CHERP: variants seen among roughly 807,000 people sequenced by gnomAD.
The protein encoded by CHERP is calcium homeostasis endoplasmic reticulum protein.
CHERP carries 8 observed loss-of-function variants against 113.8 expected under a neutral mutation model. That is an observed-to-expected ratio of 0.07 (90% confidence interval 0.04 to 0.13). The LOEUF (loss-of-function observed/expected upper bound fraction) is 0.13, where lower values mean the gene tolerates loss of function less well. Ranked by LOEUF, CHERP falls within the 10% of genes least tolerant of loss-of-function variation. The pLI, the probability that CHERP is intolerant of heterozygous loss-of-function variation, is 1.00. For missense variants in CHERP, 884 were observed against 1,298.2 expected (o/e 0.68, Z 4.90); for synonymous variants, 559 against 524.5 (o/e 1.07, Z -0.90).
chr19:16,541,920 C>T lies in CHERP; in HGVS notation c.149G>A (p.Gly50Asp). 6.2e-7 allele frequency: 1 copy of T among 1,614,026 alleles called. No homozygotes were observed. Among genetic ancestry groups the T allele is most frequent in the South Asian group, 1.1e-5 (1 of 91,066 alleles). The change falls in exon 2 of 17, where the codon GGC becomes GAC. Residue 50 changes from glycine to aspartate, a missense_variant. This residue lies in a region of CHERP where 17 missense variants were observed against 50.8 expected (regional missense o/e 0.33). Coordinates refer to ENST00000546361, the MANE Select transcript of CHERP (RefSeq NM_006387.6). ...DNPKFSFLFG[G>D]EFYSYYKCKL... is the part of the protein sequence containing the mutation. Reference sequence around the variant, plus strand: ...GCACTTGTAGTAACTGTAGAATTCGCCTCCGAAAAGAAACGAGAATTTGGG... The same window carrying T: ...GCACTTGTAGTAACTGTAGAATTCGTCTCCGAAAAGAAACGAGAATTTGGG...
intron 2 of CHERP, among the ~76,000 whole-genome samples, chr19:16,540,522 G>A (rs761395495): frequency 6.6e-6 from 1 of 151,592 alleles, no homozygotes; most frequent in Non-Finnish European, 1.5e-5. Flanking sequence ...ACAGGTGTGT[G>A]CCACCACACC....
chr19:16,541,245 A>T (rs2085777442), intron 2 of CHERP: 1 of 152,148 alleles, frequency 6.6e-6, no homozygotes, highest in Non-Finnish European at 1.5e-5. Context: ...CAATCTAGAG[A>T]CGGGGTTGGG....
chr19:16,523,079 A>T lies in CHERP; in HGVS notation c.1953T>A (p.Pro651=). The T allele has an allele frequency of 6.5e-7, 1 of 1,527,252 alleles. No individual in the cohort carries two copies. Among genetic ancestry groups the T allele is most frequent in the Admixed American group, 2.2e-5 (1 of 45,186 alleles). The allele number at this position is 1,527,252 out of a possible 1,614,324, so 94.6% of individuals were successfully genotyped here. ...TCACGAGGGGGGCCATCAGCCCAGCAGGGAGATCGAAGTAGGGCACATTGG... is the reference window on the plus strand; with the variant it reads ...TCACGAGGGGGGCCATCAGCCCAGCTGGGAGATCGAAGTAGGGCACATTGG... ...LVPNVPYFDL[P]AGLMAPLVKL... Residue 651 remains proline (P), a synonymous_variant, in exon 11 of 17, where the codon CCT becomes CCA. Transcript: ENST00000546361. The surrounding 1 kb of genome is among the most constrained non-coding windows in gnomAD (Gnocchi z 4.0).
rs552871676 is a variant in CHERP at position 16,530,694 on chromosome 19, G to C, written c.787-20C>G. ...CAGGAGCTGGCGGTGGGAGGAGAGA[G>C]AGGCCGGGTCAGTGGGGAGGGGAAA... On this transcript the variant is annotated intron_variant, in intron 6 of 16. Transcript: ENST00000546361. This position sits in a 1 kb window ranked among gnomAD's most constrained non-coding sequence, Gnocchi z 4.1. 33 of 1,614,036 alleles carry C rather than the reference G, an allele frequency of 2.0e-5. No homozygotes were observed. In the African/African-American group the frequency reaches 4.1e-4, roughly 20 times the overall value.
At position 16,519,343 on chromosome 19, in the gene CHERP, C is replaced by G; in HGVS notation, c.2567G>C (p.Gly856Ala). The G allele has an allele frequency of 6.2e-7, 1 of 1,610,932 alleles. No homozygotes were observed. Among genetic ancestry groups the G allele is most frequent in the Non-Finnish European group, 8.5e-7 (1 of 1,179,376 alleles). ...CTCCTTCGCACCGAGGCCGCCTGAG[C>G]CGCTCCAGCCTGGAAACAGAGACGC... ...HQMLVKMGWS[G>A]SGGLGAKEQG... The change falls in exon 17 of 17, where the codon GGC (glycine) becomes GCC (alanine). Residue 856 changes from glycine (G) to alanine (A), a missense_variant. Coordinates refer to ENST00000546361, the MANE Select transcript of CHERP (RefSeq NM_006387.6). The surrounding 1 kb of genome is among the most constrained non-coding windows in gnomAD (Gnocchi z 6.0).
chr19:16,525,050 CAG>C lies in CHERP; in HGVS notation c.1741+190_1741+191del, dbSNP rs2085647638. Reference sequence around the variant, plus strand: ...TCATCTGCAGCCAGCCGGGCCTCATCAGGGCGGCAAAACTGAGTCTGTGCCCC... The same window carrying C: ...TCATCTGCAGCCAGCCGGGCCTCATCGGCGGCAAAACTGAGTCTGTGCCCC... On this transcript the variant is annotated intron_variant, in intron 10 of 16. Coordinates refer to ENST00000546361, the MANE Select transcript of CHERP (RefSeq NM_006387.6). This position sits in a 1 kb window ranked among gnomAD's most constrained non-coding sequence, Gnocchi z 6.5. Among the ~76,000 whole-genome samples the C allele has an allele frequency of 6.6e-6, 1 of 152,208 alleles. No homozygotes were observed. Among genetic ancestry groups the C allele is most frequent in the African/African-American group, 2.4e-5 (1 of 41,436 alleles).
rs1029198594 is a variant in CHERP, at chr19:16,523,924, G to A, written c.1742-634C>T. Among the ~76,000 whole-genome samples the A allele has an allele frequency of 1.3e-5, 2 of 152,182 alleles. No homozygotes were observed. The highest frequency in any genetic ancestry group is 2.9e-5 in the Non-Finnish European group (2 of 68,044). On this transcript the variant is annotated intron_variant, in intron 10 of 16. Coordinates refer to ENST00000546361, the MANE Select transcript of CHERP (RefSeq NM_006387.6). This position sits in a 1 kb window ranked among gnomAD's most constrained non-coding sequence, Gnocchi z 4.0. ...AGTAAAAGCAATAAATGTGCCAAGC[G>A]GTCTTCAAGCTGCATTTATAATCAG...
rs78607249 is a variant in CHERP at position 16,520,183 on chromosome 19, T to G, written c.2428A>C (p.Arg810=). ...GGGCTCCTGGACCGTGACCGGCGTCTTCTTCCTGGGGAGTACGACTTGGAC... is the reference window on the plus strand; with the variant it reads ...GGGCTCCTGGACCGTGACCGGCGTCGTCTTCCTGGGGAGTACGACTTGGAC... The part of the protein sequence containing the change: ...SRSKSYSPGR[R]RRSRSRSPTP... Residue 810 remains arginine (R), a synonymous_variant, in exon 15 of 17, where the codon AGA becomes CGA. Transcript: ENST00000546361. This position sits in a 1 kb window ranked among gnomAD's most constrained non-coding sequence, Gnocchi z 4.0. 3,326 of 1,613,134 alleles carry G rather than the reference T, an allele frequency of 2.1e-3. 115 individuals are homozygous for G. In the East Asian group the frequency reaches 0.068, roughly 33 times the overall value.
In CHERP at chr19:16,525,252, G is replaced by A; in HGVS notation, c.1731C>T (p.Asp577=). ...YPHRFDYPQG[D]FPAEMGPPHH... is the part of the protein sequence containing the mutation. ...CGCCCGTACACTCACCGGCAGGGAA[G>A]TCCCCCTGGGGGTAGTCGAAGCGGT... Residue 577 remains aspartate, a synonymous_variant, in exon 10 of 17, where the codon GAC becomes GAT. Transcript: ENST00000546361. This position sits in a 1 kb window ranked among gnomAD's most constrained non-coding sequence, Gnocchi z 6.5. 7.0e-7 allele frequency: 1 copy of A among 1,429,040 alleles called. No homozygotes were observed. 88.5% of individuals were successfully genotyped at this position (1,429,040 alleles called of 1,614,324 possible).
At position 16,519,111 on chromosome 19, in the gene CHERP, C is replaced by G; in HGVS notation, c.*48G>C. On this transcript the variant is annotated 3_prime_UTR_variant, in exon 17 of 17. Transcript: ENST00000546361. The surrounding 1 kb of genome is among the most constrained non-coding windows in gnomAD (Gnocchi z 6.0). ...TCCTCTGCCAGTCAGCCAGGAAGGT[C>G]CCACAGCCGGCACCGCTGGCCACCG... is the stretch of plus-strand genomic sequence containing the variant. The G allele has an allele frequency of 6.5e-7, 1 of 1,548,526 alleles. No individual in the cohort carries two copies. The highest frequency in any genetic ancestry group is 8.8e-7 in the Non-Finnish European group (1 of 1,137,342).
chr19:16,541,676 T>C (rs557851952), intron 2 of CHERP, 194 bp downstream of exon 2: 1 of 542,340 alleles, frequency 1.8e-6, no homozygotes, highest in Non-Finnish European at 3.2e-6. Flanking sequence ...AACCTCGTTG[T>C]TCTCCATTAC....
rs763056222 is a variant in CHERP, at chr19:16,528,112, G to C, written c.1273C>G (p.Pro425Ala). The C allele has an allele frequency of 2.5e-6, 4 of 1,613,688 alleles. No individual in the cohort carries two copies. In the East Asian group the frequency reaches 8.9e-5, roughly 36 times the overall value. ...TGGCCCCAAGGAGCCACGGGGTGAG[G>C]CTGGTCAAACCAAGGGGGCTTGTTT... ...PPNKPPWFDQ[P>A]HPVAPWGQQQ... Residue 425 changes from proline (P) to alanine (A), a missense_variant, in exon 9 of 17, where the codon CCT becomes GCT. Pro to Ala is a conservative substitution (Grantham distance 27). Transcript: ENST00000546361.
chr19:16,528,344 C>A (rs771523242), intron 8 of CHERP, 89 bp from the exon 9 acceptor site: 3 of 1,290,990 alleles, frequency 2.3e-6, no homozygotes, highest in South Asian at 1.4e-5. Context: ...ACCAGGCTAC[C>A]GCTTTTAGTG....
intron 3 of CHERP, among the ~76,000 whole-genome samples, chr19:16,534,431 G>C (rs142336825): frequency 2.0e-5 from 3 of 151,922 alleles, no homozygotes; most frequent in African/African-American, 7.3e-5. Context: ...TTGGAGGTTT[G>C]GTATTCTATT....
chr19:16,528,152 G>A lies in CHERP; in HGVS notation c.1233C>T (p.His411=), dbSNP rs200951226. 5.6e-6 allele frequency: 9 copies of A among 1,613,644 alleles called. No homozygotes were observed. In the East Asian group the frequency reaches 8.9e-5, roughly 16 times the overall value. The change falls in exon 9 of 17, where the codon CAC becomes CAT. Residue 411 remains histidine (H), a synonymous_variant. Transcript: ENST00000546361. The part of the protein sequence containing the change: ...AAAGPRGPGP[H]DQIPPNKPPW... ...GGGGCTTGTTTGGTGGGATCTGGTC[G>A]TGTGGCCCGGGGCCCCGGGGGCCGG... is the stretch of plus-strand genomic sequence containing the variant.
chr19:16,526,233 G>C (rs1305925588), intron 9 of CHERP: 1 of 152,976 alleles, frequency 6.5e-6, no homozygotes, highest in African/African-American at 2.4e-5. Context: ...GTAGACTGAA[G>C]ACGGGAGGCT....
chr19:16,519,305 C>T lies in CHERP; in HGVS notation c.2605G>A (p.Asp869Asn). The change falls in exon 17 of 17, where the codon GAC (aspartate) becomes AAC (asparagine). Residue 869 changes from aspartate to asparagine, a missense_variant. Coordinates refer to ENST00000546361, the MANE Select transcript of CHERP (RefSeq NM_006387.6). The surrounding 1 kb of genome is among the most constrained non-coding windows in gnomAD (Gnocchi z 6.0). ...GLGAKEQGIQ[D>N]PIKGGDVRDK... The stretch of plus-strand genomic sequence containing the variant: ...CGGACGTCCCCGCCCTTGATGGGGT[C>T]CTGGATCCCTTGCTCCTTCGCACCG... 6.2e-7 allele frequency: 1 copy of T among 1,613,828 alleles called. No homozygotes were observed. The highest frequency in any genetic ancestry group is 1.3e-5 in the African/African-American group (1 of 75,044).
chr19:16,528,419 C>A (rs1294349516), intron 8 of CHERP, among the ~76,000 whole-genome samples, 164 bp from the exon 9 acceptor site: 2 of 152,210 alleles, frequency 1.3e-5, no homozygotes, highest in African/African-American at 4.8e-5. Flanking sequence ...AGGAAGGGGA[C>A]AGGGCGAGGG....
At chr19:16,526,634 T>C (rs1316073325) in intron 9 of CHERP, among the ~76,000 whole-genome samples, 1 of 151,972 alleles carries the variant, frequency 6.6e-6, no homozygotes, top group African/African-American at 2.4e-5. Flanking sequence ...TGCCCGGCTA[T>C]TTTTTTATCT....
Sources: gnomAD v4.1 joint callset for allele counts (sites outside exome capture counted in the v4.1 genomes callset) on GRCh38, gnomAD v4.1.1 for gene constraint, gnomAD v4.1.1 regional missense constraint, Gnocchi (gnomAD v3.1) non-coding constraint, MANE v1.5 for transcripts, NCBI Gene and HGNC (gene_info 2026-07-23, HGNC 2026-07-21) for gene names.